TP63: variants seen among roughly 807,000 people sequenced by gnomAD.
TP63 encodes tumor protein p63, also known as tumor protein 63.
TP63 carries 17 observed loss-of-function variants against 82.8 expected under a neutral mutation model. The ratio of observed to expected loss-of-function variants is 0.21; its 90% CI spans 0.14 to 0.31. The LOEUF (loss-of-function observed/expected upper bound fraction) is 0.31, where lower values mean the gene tolerates loss of function less well. Ranked by LOEUF, TP63 falls within the 10% of genes least tolerant of loss-of-function variation. The pLI, the probability that TP63 is intolerant of heterozygous loss-of-function variation, is 1.00. For missense variants in TP63, 648 were observed against 895.3 expected (o/e 0.72, Z 3.52); for synonymous variants, 330 against 321.7 (o/e 1.03, Z -0.28).
chr3:189,736,375 T>C (rs992687561), intron 1 of TP63, among the ~76,000 whole-genome samples: 1 of 152,074 alleles, frequency 6.6e-6, no homozygotes, highest in African/African-American at 2.4e-5. Flanking sequence ...CAGGCTATTT[T>C]CCATTATAGT....
chr3:189,855,706 G>A (rs925667417), intron 4 of TP63, among the ~76,000 whole-genome samples: 2 of 151,954 alleles, frequency 1.3e-5, no homozygotes, highest in Non-Finnish European at 2.9e-5. Context: ...ATATATGTGT[G>A]TGTGTGTGTA....
At chr3:189,846,068 T>C (rs570905491) in intron 4 of TP63, among the ~76,000 whole-genome samples, 23 of 152,220 alleles carry the variant, frequency 1.5e-4, no homozygotes, top group African/African-American at 5.3e-4. Context: ...GCGTGTAATA[T>C]AGTATGTCTA....
intron 4 of TP63, among the ~76,000 whole-genome samples, chr3:189,835,523 G>A (rs1054948312): frequency 2.0e-5 from 3 of 152,126 alleles, no homozygotes; most frequent in Non-Finnish European, 4.4e-5. Context: ...CATAATGAAA[G>A]CATTGCAATA....
chr3:189,673,470 A>G (rs1301214542), intron 1 of TP63, among the ~76,000 whole-genome samples: 1 of 152,142 alleles, frequency 6.6e-6, no homozygotes, highest in Non-Finnish European at 1.5e-5. Flanking sequence ...AAAAAACTGT[A>G]AAAATTACAA....
chr3:189,597,117 A>C, the TP63 span, among the ~76,000 whole-genome samples: 1 of 152,204 alleles, frequency 6.6e-6, no homozygotes, highest in Non-Finnish European at 1.5e-5. Context: ...CCGCGGCTTC[A>C]TTCTTGAAGT....
In TP63 at chr3:189,869,485, A is replaced by G. The variant is rs6790167; in HGVS notation, c.1212+79A>G. 636,358 of 1,274,402 alleles carry G rather than the reference A, an allele frequency of 0.5. 162,496 individuals are homozygous for G. The highest frequency in any genetic ancestry group is 0.67 in the African/African-American group (45,540 of 67,884). The allele number at this position is 1,274,402 out of a possible 1,614,324, so 78.9% of individuals were successfully genotyped here. ...GCTTTTACAGTATGATCATCATCTC[A>G]TTATCTGTGACAATGGGAAAGGAGG... On this transcript the variant is annotated intron_variant, in intron 9 of 13. Transcript: ENST00000264731.
intron 1 of TP63, among the ~76,000 whole-genome samples, chr3:189,641,233 C>G (rs1192986535): frequency 6.6e-6 from 1 of 152,034 alleles, no homozygotes; most frequent in African/African-American, 2.4e-5. Flanking sequence ...AAGAAATTTA[C>G]AACTTCAACA....
chr3:189,802,879 C>T (rs76979359), intron 3 of TP63, among the ~76,000 whole-genome samples: 2,858 of 152,284 alleles, frequency 0.019, 91 homozygotes, highest in African/African-American at 0.065. Flanking sequence ...GTAATCTCTT[C>T]TACCCCTGAT....
intron 1 of TP63, among the ~76,000 whole-genome samples, chr3:189,647,903 T>C (rs1712559012): frequency 6.8e-6 from 1 of 147,156 alleles, no homozygotes; most frequent in Non-Finnish European, 1.5e-5. Flanking sequence ...AATGGAAATG[T>C]TGCTTCTTTT....
intron 1 of TP63, among the ~76,000 whole-genome samples, chr3:189,664,873 A>G (rs976935396): frequency 7.9e-5 from 12 of 152,150 alleles, no homozygotes; most frequent in African/African-American, 2.9e-4. Flanking sequence ...AGCAGAAGAG[A>G]TCTAGCTGGT....
chr3:189,864,133 C>T lies in TP63; in HGVS notation c.580-99C>T, dbSNP rs1051684239. On this transcript the variant is annotated intron_variant, in intron 4 of 13. Transcript: ENST00000264731. ...AGTAGTAAACAGGCAGCATGCAGCT[C>T]TAAAAAGTGGACAGATTTTCATTGT... 11 of 1,521,042 alleles carry T rather than the reference C, an allele frequency of 7.2e-6. No homozygotes were observed. The African/African-American group carries it at 1.5e-4, about 21-fold the overall frequency. The allele number at this position is 1,521,042 out of a possible 1,614,324, so 94.2% of individuals were successfully genotyped here.
chr3:189,832,845 G>A (rs573431774), intron 4 of TP63, among the ~76,000 whole-genome samples: 2 of 152,328 alleles, frequency 1.3e-5, no homozygotes, highest in East Asian at 3.9e-4. Flanking sequence ...CCTACCAAAT[G>A]AATAGAGAGC....
At chr3:189,699,232 A>G (rs534930467) in intron 1 of TP63, among the ~76,000 whole-genome samples, 1 of 152,172 alleles carries the variant, frequency 6.6e-6, no homozygotes, top group African/African-American at 2.4e-5. Context: ...TATTTTACTC[A>G]TGGAGAAACT....
intron 3 of TP63, among the ~76,000 whole-genome samples, chr3:189,767,069 C>T (rs1027022857): frequency 6.6e-6 from 1 of 152,052 alleles, no homozygotes; most frequent in Non-Finnish European, 1.5e-5. Context: ...CAAATCTTGC[C>T]ATATAACAAA....
In TP63 at chr3:189,660,653, A is replaced by T. The variant is rs140488969; in HGVS notation, c.62+29076A>T. Among the ~76,000 whole-genome samples the T allele has an allele frequency of 2.4e-3, 365 of 152,242 alleles. 2 individuals are homozygous for T. Among genetic ancestry groups the T allele is most frequent in the African/African-American group, 8.3e-3 (347 of 41,572 alleles). On this transcript the variant is annotated intron_variant, in intron 1 of 13. Transcript: ENST00000264731. ...GTTGAATCTGTAGATTGATTTGGGCATTATGGCTATTACAACAATATTGAT... is the reference window on the plus strand; with the variant it reads ...GTTGAATCTGTAGATTGATTTGGGCTTTATGGCTATTACAACAATATTGAT...
intron 3 of TP63, among the ~76,000 whole-genome samples, chr3:189,754,906 G>A (rs1037710490): frequency 1.3e-5 from 2 of 151,698 alleles, no homozygotes; most frequent in African/African-American, 2.4e-5. Context: ...CACTTTTTTG[G>A]TTACCCAGAA....
intron 4 of TP63, among the ~76,000 whole-genome samples, chr3:189,856,861 A>G (rs140836209): frequency 6.6e-6 from 1 of 152,226 alleles, no homozygotes; most frequent in African/African-American, 2.4e-5. Context: ...AACATTTCTG[A>G]GTAAAATTAA....
intron 13 of TP63, among the ~76,000 whole-genome samples, chr3:189,892,326 T>G (rs1721100612): frequency 6.6e-6 from 1 of 152,216 alleles, no homozygotes. Flanking sequence ...AGTTCATTTC[T>G]GCTGATGTTG....
At chr3:189,807,282 A>G (rs1727015151) in intron 3 of TP63, among the ~76,000 whole-genome samples, 1 of 152,254 alleles carries the variant, frequency 6.6e-6, no homozygotes, top group Non-Finnish European at 1.5e-5. Context: ...CAGAAGATTC[A>G]GCACCGAAAG....
Sources: gnomAD v4.1 joint callset for allele counts (sites outside exome capture counted in the v4.1 genomes callset) on GRCh38, gnomAD v4.1.1 for gene constraint, MANE v1.5 for transcripts, NCBI Gene and HGNC (gene_info 2026-07-23, HGNC 2026-07-21) for gene names.